SYNJ2: variants seen among roughly 807,000 people sequenced by gnomAD.
The protein encoded by SYNJ2 is synaptojanin 2, also known as polyphosphatidylinositol phosphatase SYNJ2.
SYNJ2 carries 116 observed loss-of-function variants against 141.3 expected under a neutral mutation model. The ratio of observed to expected loss-of-function variants is 0.82; its 90% confidence interval spans 0.71 to 0.96. SYNJ2 has a LOEUF of 0.96. Ranked by LOEUF, SYNJ2 falls within the 40% of genes least tolerant of loss-of-function variation. SYNJ2 has a pLI of 0.00. For synonymous variants in SYNJ2, 745 were observed against 777.7 expected (o/e 0.96, Z 0.70); for missense variants, 1,873 against 1,934.8 (o/e 0.97, Z 0.60).
chr6:158,038,607 G>C (rs1184940186), intron 4 of SYNJ2, among the ~76,000 whole-genome samples: 3 of 152,244 alleles, frequency 2.0e-5, no homozygotes, highest in African/African-American at 7.2e-5. Flanking sequence ...TCACTTCCCA[G>C]CGCTGAGTCC....
rs61748682 is a variant in SYNJ2, at chr6:158,066,538, C to T, written c.1620C>T (p.Asn540=). 0.022 allele frequency: 35,044 copies of T among 1,614,134 alleles called. 455 individuals are homozygous for T. Among genetic ancestry groups the T allele is most frequent in the Non-Finnish European group, 0.026 (30,475 of 1,180,034 alleles). ...IRIAMGTWNV[N]GGKQFRSNVL... is the part of the protein sequence containing the mutation. ...TTGCTATGGGGACCTGGAACGTGAA[C>T]GGAGGAAAGCAGTTCCGGAGCAACG... The change falls in exon 12 of 27, where the codon AAC becomes AAT. Residue 540 remains asparagine, a synonymous_variant. Coordinates refer to ENST00000355585, the MANE Select transcript of SYNJ2 (RefSeq NM_003898.4).
At position 158,066,967 on chromosome 6, in the gene SYNJ2, T is replaced by C. The variant is rs555705240; in HGVS notation, c.1717+332T>C. ...CTTCTAGGGCCATGTAACTGTGAGG[T>C]TGGGAGCCAAGCCTGTCTTCGGTGT... On this transcript the variant is annotated intron_variant, in intron 12 of 26. Transcript: ENST00000355585. Among the ~76,000 whole-genome samples the C allele has an allele frequency of 7.2e-5, 11 of 152,248 alleles. No individual in the cohort carries two copies. The South Asian group carries it at 2.3e-3, about 32-fold the overall frequency.
At chr6:157,984,468 G>A (rs1338566807) in intron 1 of SYNJ2, among the ~76,000 whole-genome samples, 1 of 151,970 alleles carries the variant, frequency 6.6e-6, no homozygotes, top group Non-Finnish European at 1.5e-5. Context: ...GTGCGATCTC[G>A]GCTGACTGCA....
chr6:157,988,969 G>A (rs1245129638), intron 1 of SYNJ2, among the ~76,000 whole-genome samples: 4 of 152,090 alleles, frequency 2.6e-5, no homozygotes, highest in Non-Finnish European at 5.9e-5. Context: ...GAGATCTCAC[G>A]GGCAGGAGCC....
rs886097823 is a variant in SYNJ2, at chr6:157,983,779, C to T, written c.127+1691C>T. On this transcript the variant is annotated intron_variant, in intron 1 of 26. Coordinates refer to ENST00000355585, the MANE Select transcript of SYNJ2 (RefSeq NM_003898.4). ...TCGTCTTCAACTCATGTGCAGTCCA[C>T]ATTTGTCATTTAACCTAGCATTCAT... Among the ~76,000 whole-genome samples the T allele has an allele frequency of 3.3e-5, 5 of 151,696 alleles. No individual in the cohort carries two copies. In the South Asian group the frequency reaches 6.3e-4, roughly 19 times the overall value.
At position 158,043,405 on chromosome 6, in the gene SYNJ2, T is replaced by A; in HGVS notation, c.795+6T>A. On this transcript the variant is annotated splice_donor_region_variant and intron_variant, in intron 5 of 26. Coordinates refer to ENST00000355585, the MANE Select transcript of SYNJ2 (RefSeq NM_003898.4). This position sits in a 1 kb window ranked among gnomAD's most constrained non-coding sequence, Gnocchi z 4.0. ...GGGAACAGCCAGGGCTTCAGGTAGG[T>A]CATGAAAAAACTTAAATGTCCCCTT... 1 of 1,613,068 alleles carries A rather than the reference T, an allele frequency of 6.2e-7. No homozygotes were observed.
At chr6:158,026,866 G>A in intron 2 of SYNJ2, 8 of 985,436 alleles carry the variant, frequency 8.1e-6, no homozygotes, top group Non-Finnish European at 9.6e-6. Context: ...TGTGGCCAAG[G>A]CTCTGATCAC....
chr6:157,983,965 C>G lies in SYNJ2; in HGVS notation c.127+1877C>G, dbSNP rs1554227378. The stretch of plus-strand genomic sequence containing the variant: ...GCCTCAGCCTCCTGAGTAGCTGGGA[C>G]TATAGGCACATGCCACCATGCCTGG... On this transcript the variant is annotated intron_variant, in intron 1 of 26. Transcript: ENST00000355585. Among the ~76,000 whole-genome samples the G allele has an allele frequency of 2.6e-5, 4 of 151,990 alleles. No individual in the cohort carries two copies. The South Asian group carries it at 8.3e-4, about 32-fold the overall frequency.
At chr6:158,050,420 C>G (rs1780503697) in intron 5 of SYNJ2, among the ~76,000 whole-genome samples, 2 of 152,232 alleles carry the variant, frequency 1.3e-5, no homozygotes, top group African/African-American at 2.4e-5. Flanking sequence ...TCTGGTCATT[C>G]ACCCGGGGGT....
chr6:158,083,950 C>G (rs566137187), intron 21 of SYNJ2, 51 bp from the exon 22 acceptor site: 1 of 1,593,310 alleles, frequency 6.3e-7, no homozygotes, highest in Non-Finnish European at 8.6e-7. Flanking sequence ...AAGACTGAGC[C>G]TTTCCCCCTC....
At chr6:158,059,652 A>G in intron 7 of SYNJ2, 1 of 911,744 alleles carries the variant, frequency 1.1e-6, no homozygotes, top group Non-Finnish European at 1.4e-6. Context: ...CCTCCCAGGT[A>G]CAAGCGATTC....
At chr6:158,072,287 C>G (rs1781983711) in intron 15 of SYNJ2, among the ~76,000 whole-genome samples, 1 of 152,220 alleles carries the variant, frequency 6.6e-6, no homozygotes, top group African/African-American at 2.4e-5. Context: ...ACCAAGGAGC[C>G]CAGATCCTGC....
chr6:158,068,790 C>T, intron 13 of SYNJ2, 62 bp downstream of exon 13: 1 of 1,583,564 alleles, frequency 6.3e-7, no homozygotes, highest in East Asian at 2.2e-5. Flanking sequence ...TGGCTGGGAG[C>T]AGAGCCTCTG....
chr6:158,097,330 C>G lies in SYNJ2; in HGVS notation c.*966C>G, dbSNP rs1383470675. On this transcript the variant is annotated 3_prime_UTR_variant, in exon 27 of 27. Transcript: ENST00000355585. ...ATGTGTCCCTGCATATAAGAATCAC[C>G]AGGCCAGTGTTTCTGGGTTTGCTTG... 6.6e-6 allele frequency: 1 copy of G among 152,214 alleles called. No homozygotes were observed. Among genetic ancestry groups the G allele is most frequent in the African/African-American group, 2.4e-5 (1 of 41,450 alleles). 9.4% of individuals were successfully genotyped at this position (152,214 alleles called of 1,614,324 possible).
intron 6 of SYNJ2, among the ~76,000 whole-genome samples, chr6:158,058,166 AAAG>A (rs1780984574): frequency 6.6e-6 from 1 of 152,262 alleles, no homozygotes; most frequent in African/African-American, 2.4e-5. Flanking sequence ...TTAAAGAAGA[AAAG>A]AACTTGAATC....
At position 158,033,559 on chromosome 6, in the gene SYNJ2, C is replaced by T; in HGVS notation, c.590C>T (p.Ser197Phe). ...GVVTIRTVYASHKQAKACLVS... is the reference protein window; with the variant it reads ...GVVTIRTVYAFHKQAKACLVS... ...GTCACCATCCGCACCGTGTATGCCTCCCACAAGCAGGCCAAGGCCTGCCTC... is the reference window on the plus strand; with the variant it reads ...GTCACCATCCGCACCGTGTATGCCTTCCACAAGCAGGCCAAGGCCTGCCTC... The change falls in exon 4 of 27, where the codon TCC becomes TTC. Residue 197 changes from serine to phenylalanine, a missense_variant. Ser to Phe is a radical substitution (Grantham distance 155). Transcript: ENST00000355585. The T allele has an allele frequency of 6.2e-7, 1 of 1,614,168 alleles. No individual in the cohort carries two copies. Among genetic ancestry groups the T allele is most frequent in the South Asian group, 1.1e-5 (1 of 91,088 alleles).
chr6:158,095,875 GA>G lies in SYNJ2; in HGVS notation c.4003del (p.Arg1335GlyfsTer66). Reference sequence around the variant, plus strand: ...CGCCTCTTGTGCCCAAGGTACCCCCGAGGAGGAAGAAGTCAGCCCCCGCAGC... The same window carrying G: ...CGCCTCTTGTGCCCAAGGTACCCCCGGGAGGAAGAAGTCAGCCCCCGCAGC... ...APPLVPKVPPRRKKSAPAAFH... is the reference protein window; with the variant it reads ...APPLVPKVPPXRKKSAPAAFH... On this transcript the variant is annotated frameshift_variant, in exon 27 of 27. Transcript: ENST00000355585. LOFTEE classifies it low-confidence loss of function (END_TRUNC). The G allele has an allele frequency of 6.2e-7, 1 of 1,614,096 alleles. No homozygotes were observed. The highest frequency in any genetic ancestry group is 8.5e-7 in the Non-Finnish European group (1 of 1,180,004).
At chr6:158,009,123 A>G (rs1347409005) in intron 1 of SYNJ2, among the ~76,000 whole-genome samples, 1 of 152,176 alleles carries the variant, frequency 6.6e-6, no homozygotes, top group Non-Finnish European at 1.5e-5. Flanking sequence ...TCACCCTTGC[A>G]ATGAGGCCTT....
chr6:158,086,311 G>A (rs1316748653), intron 22 of SYNJ2, among the ~76,000 whole-genome samples: 1 of 152,180 alleles, frequency 6.6e-6, no homozygotes, highest in African/African-American at 2.4e-5. Flanking sequence ...CTTGGAAGGT[G>A]TGTGCAGGGC....
Sources: gnomAD v4.1 joint callset for allele counts (sites outside exome capture counted in the v4.1 genomes callset) on GRCh38, gnomAD v4.1.1 for gene constraint, Gnocchi (gnomAD v3.1) non-coding constraint, MANE v1.5 for transcripts, NCBI Gene and HGNC (gene_info 2026-07-23, HGNC 2026-07-21) for gene names.